Variants in CACNA1A observed in about 807,000 individuals in gnomAD.
The protein encoded by CACNA1A is calcium voltage-gated channel subunit alpha1 A.
A neutral mutation model predicts 262.4 loss-of-function variants in CACNA1A; 57 were observed. That is an observed-to-expected ratio of 0.22 (90% confidence interval 0.18 to 0.27). CACNA1A has a LOEUF of 0.27. CACNA1A is among the 10% of genes least tolerant of loss of function. The pLI, the probability that CACNA1A is intolerant of heterozygous loss-of-function variation, is 1.00. For synonymous variants in CACNA1A, 1,431 were observed against 1,419.3 expected (o/e 1.01, Z -0.18); for missense variants, 2,526 against 3,562.8 (o/e 0.71, Z 7.41).
At chr19:13,499,450 T>TGGGGG (rs199603194) in intron 1 of CACNA1A, among the ~76,000 whole-genome samples, 15 of 85,966 alleles carry the variant, frequency 1.7e-4, no homozygotes, top group Middle Eastern at 5.7e-3. Flanking sequence ...CAGGGGGTGG[T>TGGGGG]GGGGGGGGGC....
intron 3 of CACNA1A, among the ~76,000 whole-genome samples, chr19:13,388,841 A>G (rs949362461): frequency 6.6e-6 from 1 of 152,236 alleles, no homozygotes; most frequent in Non-Finnish European, 1.5e-5. Context: ...TGACATAAGC[A>G]GGATGAAGTT....
chr19:13,360,263 G>GTATATATATATATATATATATATA (rs1194785047), intron 5 of CACNA1A, among the ~76,000 whole-genome samples: 1 of 66,270 alleles, frequency 1.5e-5, no homozygotes, highest in Non-Finnish European at 2.5e-5. Context: ...GTGTGTGTGT[G>GTATATATATATATATATATATATA]TGTATATATA....
chr19:13,357,002 A>G (rs1343047109), intron 6 of CACNA1A, among the ~76,000 whole-genome samples: 1 of 152,198 alleles, frequency 6.6e-6, no homozygotes, highest in Non-Finnish European at 1.5e-5. Context: ...TCTGTCAATA[A>G]ATTATCAGGA....
At position 13,433,460 on chromosome 19, in the gene CACNA1A, C is replaced by CAAAAAAAAAAAAAAAAAAAAAAAAAAAA. The variant is rs533297364; in HGVS notation, c.539+19415_539+19416insTTTTTTTTTTTTTTTTTTTTTTTTTTTT. ...TCGGCAACAAAGCAAGACGCTGTCTCAAAAAAAAAAAAAAAAAAAAAAAGT... is the reference window on the plus strand; with the variant it reads ...TCGGCAACAAAGCAAGACGCTGTCTCAAAAAAAAAAAAAAAAAAAAAAAAAAAAAAAAAAAAAAAAAAAAAAAAAAAGT... On this transcript the variant is annotated intron_variant, in intron 3 of 46. Coordinates refer to ENST00000360228, the MANE Select transcript of CACNA1A (RefSeq NM_001127222.2). Among the ~76,000 whole-genome samples the CAAAAAAAAAAAAAAAAAAAAAAAAAAAA allele has an allele frequency of 3.0e-4, 23 of 76,224 alleles. 1 individual carries two copies. Among genetic ancestry groups the CAAAAAAAAAAAAAAAAAAAAAAAAAAAA allele is most frequent in the Non-Finnish European group, 4.1e-4 (17 of 41,610 alleles). 50.0% of individuals were successfully genotyped at this position (76,224 alleles called of 152,430 possible).
At position 13,241,774 on chromosome 19, in the gene CACNA1A, C is replaced by T. The variant is rs1267121983; in HGVS notation, c.4950+3408G>A. On this transcript the variant is annotated intron_variant, in intron 31 of 46. Coordinates refer to ENST00000360228, the MANE Select transcript of CACNA1A (RefSeq NM_001127222.2). This position sits in a 1 kb window ranked among gnomAD's most constrained non-coding sequence, Gnocchi z 4.0. The stretch of plus-strand genomic sequence containing the variant: ...ATTTTGATTGGATGAGTTTTTCAGA[C>T]GGCGTTGCGCCAATATACAGTTTTA... Among the ~76,000 whole-genome samples the T allele has an allele frequency of 2.0e-5, 3 of 152,138 alleles. No individual in the cohort carries two copies.
intron 3 of CACNA1A, among the ~76,000 whole-genome samples, chr19:13,447,295 G>C (rs947406269): frequency 3.3e-5 from 5 of 152,194 alleles, no homozygotes; most frequent in Admixed American, 1.3e-4. Context: ...ATCTGTTCTA[G>C]ATGAAGTATT....
At chr19:13,465,843 T>C (rs13344211) in intron 1 of CACNA1A, among the ~76,000 whole-genome samples, 3,489 of 152,302 alleles carry the variant, frequency 0.023, 144 homozygotes, top group African/African-American at 0.08. Context: ...ATTTCATTCC[T>C]TTTTAAGGCA....
intron 3 of CACNA1A, among the ~76,000 whole-genome samples, chr19:13,394,715 C>T (rs1022427788): frequency 6.6e-5 from 10 of 152,146 alleles, no homozygotes; most frequent in African/African-American, 2.4e-4. Flanking sequence ...CACTGATAAG[C>T]AAACTGTTGG....
chr19:13,287,949 A>T (rs2057443657), intron 19 of CACNA1A, among the ~76,000 whole-genome samples: 1 of 151,880 alleles, frequency 6.6e-6, no homozygotes, highest in Non-Finnish European at 1.5e-5. Context: ...CTACAGGCTC[A>T]CGCCACCATG....
chr19:13,494,681 T>G (rs1486856698), intron 1 of CACNA1A, among the ~76,000 whole-genome samples: 1 of 152,170 alleles, frequency 6.6e-6, no homozygotes, highest in East Asian at 1.9e-4. Context: ...TCTGCATGGC[T>G]GGGGACGCCT....
At position 13,275,873 on chromosome 19, in the gene CACNA1A, C is replaced by T. The variant is rs1174592769; in HGVS notation, c.3966G>A (p.Gly1322=). The change falls in exon 24 of 47, where the codon GGG becomes GGA. Residue 1322 remains glycine, a synonymous_variant. Transcript: ENST00000360228. ...WNILDFIVVS[G]ALVAFAFTGN... is the part of the protein sequence containing the mutation. Reference sequence around the variant, plus strand: ...ACGTGAAGGCAAAGGCTACCAGGGCCCCACTGACCACTATGAAGTCGAGAA... The same window carrying T: ...ACGTGAAGGCAAAGGCTACCAGGGCTCCACTGACCACTATGAAGTCGAGAA... The T allele has an allele frequency of 6.2e-7, 1 of 1,613,570 alleles. No homozygotes were observed. Among genetic ancestry groups the T allele is most frequent in the East Asian group, 2.2e-5 (1 of 44,878 alleles).
At chr19:13,416,013 C>T (rs2060215548) in intron 3 of CACNA1A, among the ~76,000 whole-genome samples, 1 of 152,136 alleles carries the variant, frequency 6.6e-6, no homozygotes, top group Non-Finnish European at 1.5e-5. Flanking sequence ...ATTCTCTATC[C>T]ATGCTGTCCA....
chr19:13,433,249 C>T (rs971669595), intron 3 of CACNA1A, among the ~76,000 whole-genome samples: 1 of 149,370 alleles, frequency 6.7e-6, no homozygotes. Flanking sequence ...GCCGAGATTG[C>T]GCCACTGCAC....
At chr19:13,269,971 G>A (rs887632125) in intron 24 of CACNA1A, among the ~76,000 whole-genome samples, 2 of 152,192 alleles carry the variant, frequency 1.3e-5, no homozygotes, top group Non-Finnish European at 2.9e-5. Flanking sequence ...CTTTCAACAA[G>A]GAAGGGAATA....
At chr19:13,326,934 C>T (rs555277489) in intron 10 of CACNA1A, among the ~76,000 whole-genome samples, 14 of 151,194 alleles carry the variant, frequency 9.3e-5, no homozygotes, top group Middle Eastern at 3.4e-3. Flanking sequence ...GTCTCTGTCA[C>T]GCAGGCTGGA....
At chr19:13,385,959 C>T (rs573244363) in intron 3 of CACNA1A, among the ~76,000 whole-genome samples, 3 of 151,940 alleles carry the variant, frequency 2.0e-5, no homozygotes, top group Admixed American at 6.6e-5. Flanking sequence ...GAGTTCAAGA[C>T]CAGCCTGGGC....
At position 13,207,656 on chromosome 19, in the gene CACNA1A, G is replaced by A; in HGVS notation, c.7178C>T (p.Ser2393Phe). ...CRHGGARWPA[S>F]GPHVSEGPPG... Reference sequence around the variant, plus strand: ...GGGCCCCTCGGACACGTGCGGGCCAGATGCCGGCCACCGGGCCCCGCCGTG... The same window carrying A: ...GGGCCCCTCGGACACGTGCGGGCCAAATGCCGGCCACCGGGCCCCGCCGTG... Residue 2393 changes from serine to phenylalanine, a missense_variant, in exon 47 of 47, where the codon TCT becomes TTT. Coordinates refer to ENST00000360228, the MANE Select transcript of CACNA1A (RefSeq NM_001127222.2). The surrounding 1 kb of genome is among the most constrained non-coding windows in gnomAD (Gnocchi z 5.7). 1 of 1,450,316 alleles carries A rather than the reference G, an allele frequency of 6.9e-7. No individual in the cohort carries two copies. 89.8% of individuals were successfully genotyped at this position (1,450,316 alleles called of 1,614,324 possible). A position where few individuals can be genotyped will look rare whatever the true frequency, so the allele number is the denominator to read the frequency against.
At chr19:13,314,494 C>T (rs1012329586) in intron 11 of CACNA1A, among the ~76,000 whole-genome samples, 13 of 152,138 alleles carry the variant, frequency 8.5e-5, no homozygotes, top group African/African-American at 2.9e-4. Context: ...GTTTGTCCCT[C>T]TTGCTCCTCC....
chr19:13,211,884 C>T, intron 43 of CACNA1A: 1 of 536,478 alleles, frequency 1.9e-6, no homozygotes, highest in Non-Finnish European at 3.4e-6. Flanking sequence ...AGGGGGAGCA[C>T]TTTCCTCTCT....
Sources: gnomAD v4.1 joint callset for allele counts (sites outside exome capture counted in the v4.1 genomes callset) on GRCh38, gnomAD v4.1.1 for gene constraint, Gnocchi (gnomAD v3.1) non-coding constraint, MANE v1.5 for transcripts, NCBI Gene and HGNC (gene_info 2026-07-23, HGNC 2026-07-21) for gene names.